Variants in RBFOX1 observed in about 807,000 individuals in gnomAD.
RBFOX1 encodes RNA binding fox-1 homolog 1.
Under a neutral mutation model 57.7 loss-of-function variants are expected in RBFOX1, and 8 were observed. The ratio of observed to expected loss-of-function variants is 0.14; its 90% CI spans 0.08 to 0.25. The LOEUF (loss-of-function observed/expected upper bound fraction) is 0.25. Ranked by LOEUF, RBFOX1 falls within the 10% of genes least tolerant of loss-of-function variation. The pLI is 1.00. For missense variants in RBFOX1, 611 were observed against 548.5 expected, an observed-to-expected ratio of 1.11 and a Z score of -1.14; for synonymous variants, 326 against 222.4, an observed-to-expected ratio of 1.47 and a Z score of -4.15.
chr16:6,201,614 G>T (rs2152830670), intron 1 of RBFOX1, among the ~76,000 whole-genome samples: 1 of 152,232 alleles, frequency 6.6e-6, no homozygotes, highest in Admixed American at 6.5e-5. Context: ...TCATAATAGG[G>T]TGAGTATAGT....
chr16:7,619,056 C>T (rs2058902985), intron 10 of RBFOX1, among the ~76,000 whole-genome samples: 1 of 152,082 alleles, frequency 6.6e-6, no homozygotes, highest in East Asian at 1.9e-4. Context: ...AAGGATTATT[C>T]AAAGAATAAT....
At chr16:5,969,627 T>C (rs2152297528) in intron 4 of RBFOX1, among the ~76,000 whole-genome samples, 1 of 152,020 alleles carries the variant, frequency 6.6e-6, no homozygotes, top group East Asian at 1.9e-4. Flanking sequence ...CAGCCTTTGT[T>C]GTTCATTTTT....
At chr16:6,929,469 T>A (rs970634256) in intron 3 of RBFOX1, among the ~76,000 whole-genome samples, 12 of 152,166 alleles carry the variant, frequency 7.9e-5, no homozygotes, top group African/African-American at 2.9e-4. Context: ...CTTTTCTGTA[T>A]TCTAAGCAGT....
At position 7,518,282 on chromosome 16, in the gene RBFOX1, C is replaced by G. The variant is rs1567632409; in HGVS notation, c.163C>G (p.Gln55Glu). ...CCACCCCGCGCCAGAGTACACAGGC[C>G]AGACCACGGTTCCCGAGCACACATT... The part of the protein sequence containing the change: ...HPHPAPEYTG[Q>E]TTVPEHTLNL... Residue 55 changes from glutamine (Q) to glutamate (E), a missense_variant, in exon 5 of 16, where the codon CAG becomes GAG. Physicochemically the swap from Gln to Glu is conservative, Grantham distance 29. Around this residue, in one of 3 missense-constraint regions of RBFOX1, gnomAD observed 245 missense variants for 159.1 expected, o/e 1.54. Coordinates refer to ENST00000550418, the MANE Select transcript of RBFOX1 (RefSeq NM_018723.4). 5.0e-6 allele frequency: 8 copies of G among 1,614,066 alleles called. No individual in the cohort carries two copies. The highest frequency in any genetic ancestry group is 1.7e-5 in the Admixed American group (1 of 60,002).
At chr16:6,025,540 A>G (rs956959780) in intron 1 of RBFOX1, among the ~76,000 whole-genome samples, 2 of 152,142 alleles carry the variant, frequency 1.3e-5, no homozygotes, top group African/African-American at 4.8e-5. Flanking sequence ...CCCTCCCACC[A>G]CCACATCCTT....
chr16:6,017,992 C>T (rs1459113346), upstream of RBFOX1, among the ~76,000 whole-genome samples: 1 of 152,196 alleles, frequency 6.6e-6, no homozygotes, highest in Non-Finnish European at 1.5e-5. Context: ...TCCAATGCCA[C>T]CTGCCCTTCA....
intron 1 of RBFOX1, among the ~76,000 whole-genome samples, chr16:5,311,470 C>T (rs372503901): frequency 9.2e-5 from 14 of 152,174 alleles, no homozygotes; most frequent in African/African-American, 3.1e-4. Context: ...TTTAAGATAT[C>T]TCCATACTGT....
chr16:6,572,208 G>C (rs1237779023), intron 2 of RBFOX1, among the ~76,000 whole-genome samples: 4 of 151,904 alleles, frequency 2.6e-5, no homozygotes, highest in African/African-American at 9.7e-5. Context: ...AATATGTTTT[G>C]CCTATATTTG....
At chr16:6,590,690 C>G (rs893436265) in intron 2 of RBFOX1, among the ~76,000 whole-genome samples, 1 of 152,172 alleles carries the variant, frequency 6.6e-6, no homozygotes, top group Non-Finnish European at 1.5e-5. Context: ...TACTACGAAT[C>G]TTTCTAGAAA....
chr16:6,072,617 G>GTT (rs542049537), intron 1 of RBFOX1, among the ~76,000 whole-genome samples: 38 of 143,112 alleles, frequency 2.7e-4, no homozygotes, highest in African/African-American at 9.6e-4. Flanking sequence ...GCCAACAATT[G>GTT]TTTTTTTTTT....
intron 3 of RBFOX1, among the ~76,000 whole-genome samples, chr16:5,859,455 C>T (rs1418862543): frequency 6.6e-6 from 1 of 152,154 alleles, no homozygotes; most frequent in Non-Finnish European, 1.5e-5. Context: ...GAGCCTCAGA[C>T]AGGTAAGGTA....
Position 5,998,213 on chromosome 16 carries a change from C to A in RBFOX1, c.351+130878C>A, listed in dbSNP as rs190122384. ...TCTGGGGAAAATTCATGAACATACACTAGATTCCTCTGATGTGGAAGGTTT... is the reference window on the plus strand; with the variant it reads ...TCTGGGGAAAATTCATGAACATACAATAGATTCCTCTGATGTGGAAGGTTT... On this transcript the variant is annotated intron_variant, in intron 4 of 19. Transcript: ENST00000641259. Among the ~76,000 whole-genome samples, 3 of 152,192 alleles carry A rather than the reference C, an allele frequency of 2.0e-5. No individual in the cohort carries two copies. In the East Asian group the frequency reaches 5.8e-4, roughly 29 times the overall value.
chr16:5,944,371 G>A (rs2152269042), intron 4 of RBFOX1, among the ~76,000 whole-genome samples: 1 of 152,292 alleles, frequency 6.6e-6, no homozygotes, highest in South Asian at 2.1e-4. Flanking sequence ...GAGAGACATA[G>A]CTGTGTATAC....
chr16:7,142,682 T>C (rs1280905752), intron 4 of RBFOX1, among the ~76,000 whole-genome samples: 1 of 152,196 alleles, frequency 6.6e-6, no homozygotes, highest in Non-Finnish European at 1.5e-5. Flanking sequence ...TGTTTGTATA[T>C]ACATGTCTTT....
chr16:5,359,017 C>G (rs1314878643), intron 1 of RBFOX1, among the ~76,000 whole-genome samples: 2 of 152,128 alleles, frequency 1.3e-5, no homozygotes, highest in African/African-American at 2.4e-5. Flanking sequence ...TCCATGAGTT[C>G]AATTGTTTTG....
chr16:5,308,412 A>G (rs114845223), intron 1 of RBFOX1, among the ~76,000 whole-genome samples: 304 of 152,198 alleles, frequency 2.0e-3, no homozygotes, highest in African/African-American at 6.9e-3. Context: ...TCTTAGCTTC[A>G]ACACCCCAGT....
intron 3 of RBFOX1, among the ~76,000 whole-genome samples, chr16:7,047,513 G>A (rs2048372826): frequency 6.6e-6 from 1 of 151,922 alleles, no homozygotes; most frequent in African/African-American, 2.4e-5. Flanking sequence ...CAATATGACT[G>A]TGATATATGT....
intron 3 of RBFOX1, among the ~76,000 whole-genome samples, chr16:6,847,625 G>T (rs908628342): frequency 6.6e-6 from 1 of 152,086 alleles, no homozygotes; most frequent in African/African-American, 2.4e-5. Flanking sequence ...CGTGAAGAAT[G>T]GAAGAATTGC....
chr16:5,793,680 C>T (rs1034781866), intron 3 of RBFOX1, among the ~76,000 whole-genome samples: 1 of 152,246 alleles, frequency 6.6e-6, no homozygotes, highest in African/African-American at 2.4e-5. Context: ...AGGGCCCAGA[C>T]TGGTCACCCC....
Sources: allele counts gnomAD v4.1 joint callset (sites outside exome capture counted in the v4.1 genomes callset), GRCh38; gene constraint gnomAD v4.1.1; regional missense constraint gnomAD v4.1.1; transcripts MANE v1.5; gene names NCBI Gene and HGNC (gene_info 2026-07-23, HGNC 2026-07-21).